Variants in ZNF157 observed in about 807,000 individuals in gnomAD.
The protein encoded by ZNF157 is zinc finger protein 22.
ZNF157 carries 8 observed loss-of-function variants against 9.4 expected under a neutral mutation model. The observed-to-expected ratio is 0.85, with a 90% CI of 0.50 to 1.53. The LOEUF is 1.53. Among genes scored for constraint, ZNF157 ranks in the 40% most tolerant of loss-of-function variants. The pLI, the probability that ZNF157 is intolerant of heterozygous loss-of-function variation, is 0.00. For synonymous variants in ZNF157, 120 were observed against 130.8 expected (o/e 0.92, Z 0.56); for missense variants, 316 against 385.2 (o/e 0.82, Z 1.50).
intron 1 of ZNF157, among the ~76,000 whole-genome samples, chrX:47,406,265 G>A (rs866342042): frequency 1.2e-4 from 13 of 109,544 alleles, no homozygotes; most frequent in Non-Finnish European, 2.1e-4. Context: ...AAGCCCATTC[G>A]TATTTATTCG....
chrX:47,405,113 C>T (rs142740876), intron 1 of ZNF157, among the ~76,000 whole-genome samples: 348 of 111,228 alleles, frequency 3.1e-3, no homozygotes, highest in Non-Finnish European at 5.3e-3. Context: ...GGAGGCCGGA[C>T]GTGGTGGCTC....
chrX:47,402,043 G>T (rs193113330), intron 1 of ZNF157, among the ~76,000 whole-genome samples: 1 of 111,359 alleles, frequency 9.0e-6, no homozygotes, highest in African/African-American at 3.3e-5. Context: ...GACCGAGAAC[G>T]GTAGCTTTAT....
intron 1 of ZNF157, among the ~76,000 whole-genome samples, chrX:47,375,034 T>TTTTC (rs1569255996): frequency 2.0e-4 from 13 of 65,004 alleles, no homozygotes; most frequent in African/African-American, 1.0e-3. Context: ...TTTTTTTTTT[T>TTTTC]CAGACAGAGT....
rs761007764 is a variant in ZNF157 at position 47,370,677 on chromosome X, T to TAATG, written c.10_13dup (p.Gly5GlufsTer21). On this transcript the variant is annotated frameshift_variant, in exon 1 of 4. Coordinates refer to ENST00000377073, the MANE Select transcript of ZNF157 (RefSeq NM_003446.4). LOFTEE classifies it high-confidence loss of function. Reference sequence around the variant, plus strand: ...TGAGGCCCAGGGTGAACATGCCAGCTAATGGGACATCACCCCAGAGATTCC... The same window carrying TAATG: ...TGAGGCCCAGGGTGAACATGCCAGCTAATGAATGGGACATCACCCCAGAGATTCC... 1.7e-6 allele frequency: 2 copies of TAATG among 1,204,160 alleles called. No individual in the cohort carries two copies. Among genetic ancestry groups the TAATG allele is most frequent in the Non-Finnish European group, 2.2e-6 (2 of 892,320 alleles).
At chrX:47,410,608 C>T in intron 2 of ZNF157, 72 bp from the exon 3 acceptor site, 1 of 1,024,899 alleles carries the variant, frequency 9.8e-7, no homozygotes. Flanking sequence ...TGAAGATGCA[C>T]CTTCCTCCTC....
chrX:47,394,073 C>CT (rs1331820817), intron 1 of ZNF157, among the ~76,000 whole-genome samples: 1 of 108,641 alleles, frequency 9.2e-6, no homozygotes. Context: ...CACCATTCTC[C>CT]GCCTCAGCCT....
intron 1 of ZNF157, among the ~76,000 whole-genome samples, chrX:47,387,886 CAAAAAA>C (rs781763726): frequency 2.9e-5 from 1 of 34,534 alleles, no homozygotes; most frequent in Non-Finnish European, 4.6e-5. Context: ...GACTCTGTCT[CAAAAAA>C]AAAAAAAAAA....
intron 1 of ZNF157, among the ~76,000 whole-genome samples, chrX:47,402,645 T>C (rs2055933920): frequency 9.3e-6 from 1 of 107,641 alleles, no homozygotes; most frequent in Non-Finnish European, 1.9e-5. Context: ...GTTCACGCCA[T>C]TCTCTTGCCT....
At chrX:47,370,778 T>A in intron 1 of ZNF157, 38 bp downstream of exon 1, 1 of 1,030,174 alleles carries the variant, frequency 9.7e-7, no homozygotes, top group Non-Finnish European at 1.3e-6. Context: ...ATATGTTCTT[T>A]ATTTTTTTAT....
intron 1 of ZNF157, among the ~76,000 whole-genome samples, chrX:47,395,066 G>A (rs73632338): frequency 0.083 from 8,942 of 107,174 alleles, 907 homozygotes; most frequent in African/African-American, 0.29. Flanking sequence ...CAACCTATCC[G>A]TCCACCTTGG....
At chrX:47,387,627 T>A (rs2055883575) in intron 1 of ZNF157, among the ~76,000 whole-genome samples, 1 of 109,147 alleles carries the variant, frequency 9.2e-6, no homozygotes, top group South Asian at 4.2e-4. Flanking sequence ...AGAATTACAA[T>A]GCCTCAGTCG....
chrX:47,380,521 G>T, intron 1 of ZNF157, among the ~76,000 whole-genome samples: 1 of 110,443 alleles, frequency 9.1e-6, no homozygotes, highest in Non-Finnish European at 1.9e-5. Context: ...ATGCTCACTT[G>T]AGGAGTTTTT....
chrX:47,406,185 C>T (rs954832100), intron 1 of ZNF157, among the ~76,000 whole-genome samples: 16 of 110,339 alleles, frequency 1.5e-4, no homozygotes, highest in African/African-American at 5.3e-4. Flanking sequence ...CCACATCAGC[C>T]TCCCAAAGTG....
intron 1 of ZNF157, among the ~76,000 whole-genome samples, chrX:47,408,923 T>C (rs941379224): frequency 8.9e-6 from 1 of 111,802 alleles, no homozygotes; most frequent in African/African-American, 3.2e-5. Context: ...AACATGAGAT[T>C]TGGGTGGAGA....
At chrX:47,397,894 G>A (rs2055918661) in intron 1 of ZNF157, among the ~76,000 whole-genome samples, 1 of 110,992 alleles carries the variant, frequency 9.0e-6, no homozygotes, top group South Asian at 3.9e-4. Flanking sequence ...TTTTGGAACA[G>A]AGACCCCTAC....
intron 1 of ZNF157, among the ~76,000 whole-genome samples, chrX:47,396,687 G>T (rs2055914486): frequency 9.0e-6 from 1 of 111,694 alleles, no homozygotes; most frequent in African/African-American, 3.3e-5. Context: ...ACCCGATGGG[G>T]TGACCCAAAC....
Position 47,413,313 on chromosome X carries a change from T to C in ZNF157, c.1240T>C (p.Tyr414His), listed in dbSNP as rs1261513444. 8.3e-7 allele frequency: 1 copy of C among 1,211,632 alleles called. No homozygotes were observed. ...HQRMHSGEKP[Y>H]ECSECGKIFS... ...GAGGATGCATTCAGGAGAGAAACCC[T>C]ACGAATGTAGTGAATGTGGGAAAAT... Residue 414 changes from tyrosine (Y) to histidine (H), a missense_variant, in exon 4 of 4, where the codon TAC (tyrosine) becomes CAC (histidine). By Grantham distance (83) the Tyr-to-His change is moderately conservative (BLOSUM62 2). Around this residue, in one of 3 missense-constraint regions of ZNF157, gnomAD observed 167 missense variants for 183.6 expected, o/e 0.91. Coordinates refer to ENST00000377073, the MANE Select transcript of ZNF157 (RefSeq NM_003446.4).
chrX:47,385,543 C>CTG (rs1469633074), intron 1 of ZNF157, among the ~76,000 whole-genome samples: 13 of 45,972 alleles, frequency 2.8e-4, no homozygotes, highest in Admixed American at 1.0e-3. Context: ...CTAAGCGATT[C>CTG]CGTGTGTGTG....
chrX:47,383,371 CAAAAAAAAAAAA>C (rs35133137), intron 1 of ZNF157, among the ~76,000 whole-genome samples: 37 of 18,817 alleles, frequency 2.0e-3, no homozygotes, highest in African/African-American at 3.6e-3. Context: ...GACTCAGTCT[CAAAAAAAAAAAA>C]AAAAAAAAAA....
Sources: gnomAD v4.1 joint callset for allele counts (sites outside exome capture counted in the v4.1 genomes callset) on GRCh38, gnomAD v4.1.1 for gene constraint, gnomAD v4.1.1 regional missense constraint, MANE v1.5 for transcripts, NCBI Gene and HGNC (gene_info 2026-07-23, HGNC 2026-07-21) for gene names.